The following CD276 variants were observed in gnomAD, a reference collection of about 807,000 sequenced individuals.
The protein encoded by CD276 is CD276 molecule.
A neutral mutation model predicts 50.0 loss-of-function variants in CD276; 34 were observed. That is an observed-to-expected ratio of 0.68 (90% CI 0.52 to 0.91). The LOEUF (loss-of-function observed/expected upper bound fraction) is 0.91. Ranked by LOEUF, CD276 falls within the 40% of genes least tolerant of loss-of-function variation. The pLI is 0.00. For synonymous variants in CD276, 275 were observed against 313.0 expected (o/e 0.88, Z 1.28); for missense variants, 634 against 717.5 (o/e 0.88, Z 1.33).
chr15:73,707,419 C>T (rs1051119642), intron 6 of CD276, among the ~76,000 whole-genome samples: 1 of 152,188 alleles, frequency 6.6e-6, no homozygotes, highest in Non-Finnish European at 1.5e-5. Context: ...CAACTTCATC[C>T]CTCTTGACGT....
At chr15:73,685,083 G>C (rs1482260334) in intron 1 of CD276, 5 of 152,520 alleles carry the variant, frequency 3.3e-5, no homozygotes, top group Admixed American at 3.3e-4. Context: ...GGGAAGGACA[G>C]GTAGAGACGG....
At chr15:73,708,774 T>G (rs1280044239) in intron 7 of CD276, 5 of 422,118 alleles carry the variant, frequency 1.2e-5, no homozygotes, top group Non-Finnish European at 2.2e-5. Context: ...AGTGTGCCTG[T>G]GAAAGTGTAA....
rs190157719 is a variant in CD276 at position 73,711,021 on chromosome 15, A to C, written c.1547-114A>C. 47 of 1,070,358 alleles carry C rather than the reference A, an allele frequency of 4.4e-5. No individual in the cohort carries two copies. The Admixed American group carries it at 8.1e-4, about 19-fold the overall frequency. 66.3% of individuals were successfully genotyped at this position (1,070,358 alleles called of 1,614,324 possible). A position where few individuals can be genotyped will look rare whatever the true frequency, so the allele number is the denominator to read the frequency against. ...TTCCCTTGTGCTATGAAGTGGTCCC[A>C]CTCTGCTGACTTGTCCCGCCCCTTC... On this transcript the variant is annotated intron_variant, in intron 8 of 9. Transcript: ENST00000318443.
rs769645020 is a variant in CD276, at chr15:73,708,505, T to G, written c.1504+32T>G. On this transcript the variant is annotated intron_variant, in intron 7 of 9. Coordinates refer to ENST00000318443, the MANE Select transcript of CD276 (RefSeq NM_001024736.2). ...GTGTGTGTATGTGTGTGCGTGCGCA[T>G]GCACACTTATGTGTCTTGGGGTATG... 5 of 1,596,254 alleles carry G rather than the reference T, an allele frequency of 3.1e-6. No homozygotes were observed. The Admixed American group carries it at 8.6e-5, about 28-fold the overall frequency.
At chr15:73,712,167 A>AAAG (rs1900929498) in intron 9 of CD276, 3 of 153,690 alleles carry the variant, frequency 2.0e-5, no homozygotes, top group African/African-American at 7.3e-5. Context: ...AAAAAAAAAA[A>AAAG]AAAAAAAGTC....
chr15:73,702,213 C>A, intron 2 of CD276, 42 bp from the exon 3 acceptor site: 2 of 1,490,818 alleles, frequency 1.3e-6, no homozygotes, highest in East Asian at 2.4e-5. Context: ...GCCCACCCCT[C>A]CTCAGTCCCC....
At chr15:73,689,187 C>CGTGTGTGTGTGTGTGTGT (rs1567012263) in intron 1 of CD276, among the ~76,000 whole-genome samples, 3 of 104,114 alleles carry the variant, frequency 2.9e-5, no homozygotes, top group Admixed American at 1.2e-4. Flanking sequence ...CTCTGTGCCT[C>CGTGTGTGTGTGTGTGTGT]CTGTGTGTGT....
rs962036624 is a variant in CD276, at chr15:73,703,893, C to A, written c.968C>A (p.Ala323Glu). 1 of 1,613,644 alleles carries A rather than the reference C, an allele frequency of 6.2e-7. No homozygotes were observed. The highest frequency in any genetic ancestry group is 1.3e-5 in the African/African-American group (1 of 74,956). The part of the protein sequence containing the change: ...LFPDLLAQGN[A>E]SLRLQRVRVA... Reference sequence around the variant, plus strand: ...CCGGACCTGCTGGCACAAGGCAATGCATCCCTGAGGCTGCAGCGCGTGCGT... The same window carrying A: ...CCGGACCTGCTGGCACAAGGCAATGAATCCCTGAGGCTGCAGCGCGTGCGT... Residue 323 changes from alanine (A) to glutamate (E), a missense_variant, in exon 5 of 10, where the codon GCA (alanine) becomes GAA (glutamate). By Grantham distance (107) the Ala-to-Glu change is moderately radical. Coordinates refer to ENST00000318443, the MANE Select transcript of CD276 (RefSeq NM_001024736.2).
intron 1 of CD276, among the ~76,000 whole-genome samples, chr15:73,689,393 G>A (rs932297569): frequency 6.6e-6 from 1 of 152,108 alleles, no homozygotes; most frequent in Non-Finnish European, 1.5e-5. Flanking sequence ...CTGCTCTTGG[G>A]TGGGATCACG....
chr15:73,709,120 C>G (rs1900777120), intron 7 of CD276, among the ~76,000 whole-genome samples: 2 of 151,996 alleles, frequency 1.3e-5, no homozygotes, highest in South Asian at 4.1e-4. Flanking sequence ...GTGAGGTAGA[C>G]AGGTGGAAGG....
intron 2 of CD276, among the ~76,000 whole-genome samples, chr15:73,701,726 GAAAAGAAAAA>G (rs1900395813): frequency 1.3e-5 from 2 of 150,832 alleles, no homozygotes; most frequent in South Asian, 2.1e-4. Flanking sequence ...GTTTCGTTAG[GAAAAGAAAAA>G]AAAAGAAAAA....
chr15:73,687,121 G>A lies in CD276; in HGVS notation c.-55+2661G>A, dbSNP rs1225370708. The stretch of plus-strand genomic sequence containing the variant: ...TTGGCTCAGAATGGACCCCACACCT[G>A]GAAGGGGGCCACGTGTACAGTTATG... On this transcript the variant is annotated intron_variant, in intron 1 of 9. Transcript: ENST00000318443. The surrounding 1 kb of genome is among the most constrained non-coding windows in gnomAD (Gnocchi z 4.0). Among the ~76,000 whole-genome samples, 1 of 152,128 alleles carries A rather than the reference G, an allele frequency of 6.6e-6. No individual in the cohort carries two copies. The highest frequency in any genetic ancestry group is 2.4e-5 in the African/African-American group (1 of 41,416).
chr15:73,699,846 C>A, intron 2 of CD276, 128 bp downstream of exon 2: 2 of 1,119,276 alleles, frequency 1.8e-6, no homozygotes, highest in Non-Finnish European at 2.5e-6. Flanking sequence ...TTACTTCCAC[C>A]TGTGGGATCC....
In CD276 at chr15:73,702,319, G is replaced by C; in HGVS notation, c.144G>C (p.Leu48=). 6.2e-7 allele frequency: 1 copy of C among 1,613,428 alleles called. No individual in the cohort carries two copies. ...CACTGGTGGGCACCGATGCCACCCT[G>C]TGCTGCTCCTTCTCCCCTGAGCCTG... ...VVALVGTDAT[L]CCSFSPEPGF... Residue 48 remains leucine (L), a synonymous_variant, in exon 3 of 10, where the codon CTG becomes CTC. Coordinates refer to ENST00000318443, the MANE Select transcript of CD276 (RefSeq NM_001024736.2).
chr15:73,713,561 C>T lies in CD276; in HGVS notation c.*605C>T. 3.2e-6 allele frequency: 1 copy of T among 315,688 alleles called. No individual in the cohort carries two copies. Among genetic ancestry groups the T allele is most frequent in the South Asian group, 2.4e-5 (1 of 41,946 alleles). The allele number at this position is 315,688 out of a possible 1,614,324, so 19.6% of individuals were successfully genotyped here. ...TCCTCCTCTTGCTCTAGCCTTAATA[C>T]TGGCCTTTTCCCTCCCTGCCCCAAG... On this transcript the variant is annotated 3_prime_UTR_variant, in exon 10 of 10. Coordinates refer to ENST00000318443, the MANE Select transcript of CD276 (RefSeq NM_001024736.2).
intron 6 of CD276, among the ~76,000 whole-genome samples, chr15:73,705,582 T>A (rs1480122131): frequency 6.6e-6 from 1 of 151,952 alleles, no homozygotes; most frequent in Non-Finnish European, 1.5e-5. Flanking sequence ...CAGGAGAGAG[T>A]AGCTGCCCTG....
chr15:73,692,049 C>T (rs1007698405), intron 1 of CD276, among the ~76,000 whole-genome samples: 1 of 152,166 alleles, frequency 6.6e-6, no homozygotes, highest in Non-Finnish European at 1.5e-5. Context: ...TCCCCATCTA[C>T]GTCCCTCACT....
chr15:73,688,600 A>C (rs1899857879), intron 1 of CD276, among the ~76,000 whole-genome samples: 2 of 152,208 alleles, frequency 1.3e-5, no homozygotes, highest in Admixed American at 1.3e-4. Flanking sequence ...TAGGAGCATC[A>C]GCTGGCTCTT....
chr15:73,692,239 C>A (rs1278257141), intron 1 of CD276, among the ~76,000 whole-genome samples: 2 of 152,204 alleles, frequency 1.3e-5, no homozygotes, highest in African/African-American at 4.8e-5. Flanking sequence ...AATGGCTTGA[C>A]CCTTTCATCC....
Sources: allele counts gnomAD v4.1 joint callset (sites outside exome capture counted in the v4.1 genomes callset), GRCh38; gene constraint gnomAD v4.1.1; non-coding constraint Gnocchi (gnomAD v3.1); transcripts MANE v1.5; gene names NCBI Gene and HGNC (gene_info 2026-07-23, HGNC 2026-07-21).